The following GRK5 variants were observed in gnomAD, a reference collection of about 807,000 sequenced individuals.
GRK5 encodes the protein G protein-coupled receptor kinase 5.
A neutral mutation model predicts 78.4 loss-of-function variants in GRK5; 40 were observed. The ratio of observed to expected loss-of-function variants is 0.51; its 90% CI spans 0.40 to 0.66. The LOEUF (loss-of-function observed/expected upper bound fraction) is 0.66, where lower values mean the gene tolerates loss of function less well. GRK5 is among the 30% of genes least tolerant of loss of function. The pLI is 0.00. For synonymous variants in GRK5, 289 were observed against 296.8 expected (o/e 0.97, Z 0.27); for missense variants, 598 against 759.9 (o/e 0.79, Z 2.50).
chr10:119,384,908 T>A (rs968587944), intron 3 of GRK5, among the ~76,000 whole-genome samples: 4 of 152,180 alleles, frequency 2.6e-5, no homozygotes, highest in African/African-American at 9.7e-5. Flanking sequence ...TGGAGCAGGT[T>A]AAAGGAGGTT....
chr10:119,255,434 TCCCTCTGCA>T (rs1200805876), intron 1 of GRK5, among the ~76,000 whole-genome samples: 3 of 152,148 alleles, frequency 2.0e-5, no homozygotes, highest in Admixed American at 2.0e-4. Context: ...CCCTTCTGAG[TCCCTCTGCA>T]CTTAGAGGCT....
At chr10:119,450,645 A>G (rs1853263775) in intron 13 of GRK5, among the ~76,000 whole-genome samples, 1 of 152,122 alleles carries the variant, frequency 6.6e-6, no homozygotes, top group South Asian at 2.1e-4. Context: ...TAGCACTGAA[A>G]GTCCTGTGTC....
chr10:119,433,267 T>G (rs933416279), intron 8 of GRK5, among the ~76,000 whole-genome samples: 1 of 152,082 alleles, frequency 6.6e-6, no homozygotes, highest in Non-Finnish European at 1.5e-5. Context: ...CTGCGGGCCT[T>G]CTTGAGTCCG....
At chr10:119,434,359 A>G (rs2420621) in intron 8 of GRK5, among the ~76,000 whole-genome samples, 84,534 of 152,116 alleles carry the variant, frequency 0.56, 24,406 homozygotes, top group African/African-American at 0.69. Flanking sequence ...TCTGAGACAA[A>G]GCAAGTCCTT....
Position 119,217,692 on chromosome 10 carries a change from C to T in GRK5, c.52+9723C>T, listed in dbSNP as rs911549168. On this transcript the variant is annotated intron_variant, in intron 1 of 15. Transcript: ENST00000392870. This position sits in a 1 kb window ranked among gnomAD's most constrained non-coding sequence, Gnocchi z 4.1. ...ATTGGCAGCAGCACCACCTCCTTTC[C>T]TTGGCAGAGGCAAGAGGTGGGCAGC... Among the ~76,000 whole-genome samples the T allele has an allele frequency of 1.3e-5, 2 of 152,194 alleles. No individual in the cohort carries two copies. The highest frequency in any genetic ancestry group is 4.8e-5 in the African/African-American group (2 of 41,444).
At chr10:119,371,222 C>T (rs913322383) in intron 2 of GRK5, among the ~76,000 whole-genome samples, 3 of 152,200 alleles carry the variant, frequency 2.0e-5, no homozygotes, top group South Asian at 2.1e-4. Flanking sequence ...CCCCGCTCCC[C>T]GTCCCCAGGG....
chr10:119,382,410 A>T (rs10787961), intron 3 of GRK5, among the ~76,000 whole-genome samples: 151,997 of 152,348 alleles, frequency 1, 75,824 homozygotes, highest in Middle Eastern at 1. Context: ...CTAGTATTTT[A>T]ATAACTTTTT....
chr10:119,219,468 C>A (rs1389988221), intron 1 of GRK5, among the ~76,000 whole-genome samples: 3 of 152,140 alleles, frequency 2.0e-5, no homozygotes, highest in Non-Finnish European at 4.4e-5. Flanking sequence ...CATCAGAAAT[C>A]CAAAGCACTT....
At position 119,430,756 on chromosome 10, in the gene GRK5, G is replaced by A. The variant is rs1053685887; in HGVS notation, c.597+318G>A. 6.6e-6 allele frequency among the ~76,000 whole-genome samples: 1 copy of A among 152,120 alleles called. No homozygotes were observed. Among genetic ancestry groups the A allele is most frequent in the Non-Finnish European group, 1.5e-5 (1 of 68,016 alleles). The stretch of plus-strand genomic sequence containing the variant: ...GGGAGGAGATGTGAGGGCGTGAGGA[G>A]GCTGGGCAACCTTGGCCACTCAGTG... On this transcript the variant is annotated intron_variant, in intron 7 of 15. Transcript: ENST00000392870. This position sits in a 1 kb window ranked among gnomAD's most constrained non-coding sequence, Gnocchi z 4.5.
chr10:119,275,222 G>A (rs541469113), intron 1 of GRK5, among the ~76,000 whole-genome samples: 5 of 152,270 alleles, frequency 3.3e-5, no homozygotes, highest in African/African-American at 1.2e-4. Flanking sequence ...CGGGATAAGC[G>A]CCTGGAGTAA....
At chr10:119,239,579 C>T (rs1047921229) in intron 1 of GRK5, among the ~76,000 whole-genome samples, 1 of 152,082 alleles carries the variant, frequency 6.6e-6, no homozygotes, top group Non-Finnish European at 1.5e-5. Context: ...ATGTGCAGAA[C>T]GTGCAGGTTT....
At chr10:119,254,844 CAGG>C (rs760846212) in intron 1 of GRK5, among the ~76,000 whole-genome samples, 34 of 152,076 alleles carry the variant, frequency 2.2e-4, no homozygotes, top group Admixed American at 7.9e-4. Flanking sequence ...CACCTGAGGT[CAGG>C]AGTTCGAGAC....
chr10:119,264,346 G>T lies in GRK5; in HGVS notation c.52+56377G>T, dbSNP rs1270323189. On this transcript the variant is annotated intron_variant, in intron 1 of 15. Transcript: ENST00000392870. This position sits in a 1 kb window ranked among gnomAD's most constrained non-coding sequence, Gnocchi z 4.1. ...ATTTGTTGGCACATGTGCTTGGGAA[G>T]TTGAGTCCTGGGTGGGGCTCAAGTC... is the stretch of plus-strand genomic sequence containing the variant. 6.6e-6 allele frequency among the ~76,000 whole-genome samples: 1 copy of T among 152,202 alleles called. No homozygotes were observed. The highest frequency in any genetic ancestry group is 1.5e-5 in the Non-Finnish European group (1 of 68,036).
chr10:119,350,709 T>C (rs1360858630), intron 2 of GRK5, among the ~76,000 whole-genome samples: 1 of 152,228 alleles, frequency 6.6e-6, no homozygotes, highest in African/African-American at 2.4e-5. Context: ...CAGGCTGCCA[T>C]GGAGTGGATC....
chr10:119,289,185 T>G (rs555895537), intron 1 of GRK5, among the ~76,000 whole-genome samples: 1 of 152,296 alleles, frequency 6.6e-6, no homozygotes, highest in South Asian at 2.1e-4. Context: ...ATAAAGATTT[T>G]TGTTTTGTTT....
At position 119,287,327 on chromosome 10, in the gene GRK5, AGG is replaced by A. The variant is rs1849867933; in HGVS notation, c.53-39188_53-39187del. 8.7e-5 allele frequency among the ~76,000 whole-genome samples: 7 copies of A among 80,852 alleles called. 1 individual carries two copies. The highest frequency in any genetic ancestry group is 1.8e-4 in the Non-Finnish European group (7 of 37,848). 53.0% of individuals were successfully genotyped at this position (80,852 alleles called of 152,430 possible). A position where few individuals can be genotyped will look rare whatever the true frequency, so the allele number is the denominator to read the frequency against. ...AAGGAAGGGAGGGAGAGAGGGAGGGAGGAAGGGAGAGAGGAGGAAGGGAAGGA... is the reference window on the plus strand; with the variant it reads ...AAGGAAGGGAGGGAGAGAGGGAGGGAAAGGGAGAGAGGAGGAAGGGAAGGA... On this transcript the variant is annotated intron_variant, in intron 1 of 15. Coordinates refer to ENST00000392870, the MANE Select transcript of GRK5 (RefSeq NM_005308.3).
In GRK5 at chr10:119,431,615, G is replaced by T; in HGVS notation, c.738+88G>T. 2 of 1,475,860 alleles carry T rather than the reference G, an allele frequency of 1.4e-6. No individual in the cohort carries two copies. Among genetic ancestry groups the T allele is most frequent in the Non-Finnish European group, 9.1e-7 (1 of 1,094,240 alleles). 91.4% of individuals were successfully genotyped at this position (1,475,860 alleles called of 1,614,324 possible). A position where few individuals can be genotyped will look rare whatever the true frequency, so the allele number is the denominator to read the frequency against. On this transcript the variant is annotated intron_variant, in intron 8 of 15. Transcript: ENST00000392870. The surrounding 1 kb of genome is among the most constrained non-coding windows in gnomAD (Gnocchi z 4.8). The stretch of plus-strand genomic sequence containing the variant: ...CCGGAAGGGCGTGGTCCTCTAATGC[G>T]GCCGGTCCCCACCCCTGGGAAGGGG...
Position 119,433,829 on chromosome 10 carries a change from C to A in GRK5, c.738+2302C>A, listed in dbSNP as rs567582017. On this transcript the variant is annotated intron_variant, in intron 8 of 15. Coordinates refer to ENST00000392870, the MANE Select transcript of GRK5 (RefSeq NM_005308.3). ...CTCCACCAGCAGAGGACTAGACCCC[C>A]TCTCTTGGTGGCCCTTTGCCAAGTG... Among the ~76,000 whole-genome samples the A allele has an allele frequency of 5.9e-5, 9 of 152,348 alleles. No individual in the cohort carries two copies. In the South Asian group the frequency reaches 1.9e-3, roughly 32 times the overall value.
chr10:119,451,186 C>T (rs913706938), intron 13 of GRK5, among the ~76,000 whole-genome samples: 1 of 150,876 alleles, frequency 6.6e-6, no homozygotes, highest in Non-Finnish European at 1.5e-5. Context: ...GGGGCTGCTG[C>T]CACATTCCTA....
Sources: gnomAD v4.1 joint callset for allele counts (sites outside exome capture counted in the v4.1 genomes callset) on GRCh38, gnomAD v4.1.1 for gene constraint, Gnocchi (gnomAD v3.1) non-coding constraint, MANE v1.5 for transcripts, NCBI Gene and HGNC (gene_info 2026-07-23, HGNC 2026-07-21) for gene names.